The following RBFOX1 variants were observed in gnomAD, a reference collection of about 807,000 sequenced individuals.
RBFOX1 encodes the protein RNA binding protein fox-1 homolog 1.
A neutral mutation model predicts 57.7 loss-of-function variants in RBFOX1; 8 were observed. The observed-to-expected ratio is 0.14, with a 90% CI of 0.08 to 0.25. The LOEUF is 0.25. RBFOX1 is among the 10% of genes least tolerant of loss of function. The pLI is 1.00. For missense variants in RBFOX1, 611 were observed against 548.5 expected (o/e 1.11, Z -1.14); for synonymous variants, 326 against 222.4 (o/e 1.47, Z -4.15).
intron 1 of RBFOX1, among the ~76,000 whole-genome samples, chr16:6,147,963 A>C (rs1320103988): frequency 1.3e-5 from 2 of 152,170 alleles, no homozygotes; most frequent in East Asian, 1.9e-4. Flanking sequence ...CCTTCTCCTA[A>C]ATTGATCTTC....
intron 14 of RBFOX1, among the ~76,000 whole-genome samples, chr16:7,682,613 T>A (rs186893006): frequency 0.1 from 15,766 of 150,902 alleles, 1,081 homozygotes; most frequent in East Asian, 0.31. Flanking sequence ...ATAATTTTTT[T>A]TAAAAAAAAG....
intron 1 of RBFOX1, among the ~76,000 whole-genome samples, chr16:5,304,852 A>T (rs1019489309): frequency 6.6e-6 from 1 of 152,208 alleles, no homozygotes; most frequent in Non-Finnish European, 1.5e-5. Context: ...CCCCAAAACA[A>T]TATAGAGAAA....
chr16:5,932,931 G>A (rs1173756348), intron 4 of RBFOX1, among the ~76,000 whole-genome samples: 1 of 152,094 alleles, frequency 6.6e-6, no homozygotes, highest in Non-Finnish European at 1.5e-5. Context: ...AAAAGGTAAA[G>A]CTCTCAAAAT....
At chr16:7,414,527 G>A (rs9302845) in intron 4 of RBFOX1, among the ~76,000 whole-genome samples, 62,472 of 152,100 alleles carry the variant, frequency 0.41, 18,731 homozygotes, top group African/African-American at 0.83. Flanking sequence ...TGATAGAAAA[G>A]TGTGACTTTC....
chr16:7,709,508 C>G, intron 15 of RBFOX1: 1 of 1,527,224 alleles, frequency 6.5e-7, no homozygotes. Context: ...AAGGTTCCAG[C>G]CCCAGCACAG....
At chr16:6,253,699 G>GTGTGTGTATA (rs71145205) in intron 1 of RBFOX1, among the ~76,000 whole-genome samples, 16,811 of 142,148 alleles carry the variant, frequency 0.12, 1,236 homozygotes, top group East Asian at 0.21. Flanking sequence ...GTGTGTGTGT[G>GTGTGTGTATA]TATATATATA....
At chr16:7,467,633 A>G (rs2060768391) in intron 4 of RBFOX1, among the ~76,000 whole-genome samples, 1 of 152,204 alleles carries the variant, frequency 6.6e-6, no homozygotes, top group Non-Finnish European at 1.5e-5. Context: ...GTATGATAAT[A>G]AGAGTGACCT....
intron 2 of RBFOX1, among the ~76,000 whole-genome samples, chr16:6,593,971 T>G (rs2097751847): frequency 2.0e-5 from 3 of 152,216 alleles, no homozygotes; most frequent in African/African-American, 7.2e-5. Context: ...GGATTAGTCA[T>G]GCACGTGGAA....
intron 1 of RBFOX1, among the ~76,000 whole-genome samples, chr16:6,232,406 C>T (rs1004885374): frequency 6.6e-6 from 1 of 152,130 alleles, no homozygotes; most frequent in Non-Finnish European, 1.5e-5. Flanking sequence ...ATAATGGGAC[C>T]GAATGAGAGT....
intron 2 of RBFOX1, among the ~76,000 whole-genome samples, chr16:6,613,768 C>T (rs1357500013): frequency 6.6e-6 from 1 of 152,144 alleles, no homozygotes; most frequent in Admixed American, 6.5e-5. Flanking sequence ...GAAACCCCAT[C>T]TCTACTACAA....
At chr16:6,805,495 A>AC (rs979718874) in intron 3 of RBFOX1, among the ~76,000 whole-genome samples, 2 of 152,176 alleles carry the variant, frequency 1.3e-5, no homozygotes, top group Non-Finnish European at 2.9e-5. Flanking sequence ...ACATGAGTTT[A>AC]CCTATGTAAT....
At chr16:6,149,355 G>A (rs566181088) in intron 1 of RBFOX1, among the ~76,000 whole-genome samples, 1 of 152,334 alleles carries the variant, frequency 6.6e-6, no homozygotes, top group Admixed American at 6.5e-5. Flanking sequence ...TGCCTCCTAT[G>A]TAACATGAGG....
intron 3 of RBFOX1, among the ~76,000 whole-genome samples, chr16:6,786,113 A>G (rs1021510294): frequency 5.9e-5 from 9 of 152,188 alleles, no homozygotes; most frequent in Admixed American, 5.2e-4. Flanking sequence ...CACTTTGGCA[A>G]AAGTCTGCAT....
intron 2 of RBFOX1, among the ~76,000 whole-genome samples, chr16:6,355,967 C>T (rs758018786): frequency 3.3e-5 from 5 of 152,136 alleles, no homozygotes; most frequent in Non-Finnish European, 5.9e-5. Flanking sequence ...TAAAGAACTC[C>T]TAATGGGCAA....
chr16:5,355,532 G>C (rs958774046), intron 1 of RBFOX1, among the ~76,000 whole-genome samples: 1 of 152,162 alleles, frequency 6.6e-6, no homozygotes, highest in African/African-American at 2.4e-5. Flanking sequence ...ATGGAGACTG[G>C]TCAGCTTCAA....
At chr16:6,672,967 C>G (rs938765676) in intron 3 of RBFOX1, among the ~76,000 whole-genome samples, 4 of 152,092 alleles carry the variant, frequency 2.6e-5, no homozygotes, top group African/African-American at 7.2e-5. Flanking sequence ...GAATTGTACC[C>G]CAGTCCCTGA....
intron 3 of RBFOX1, among the ~76,000 whole-genome samples, chr16:6,997,748 C>G (rs1008428058): frequency 5.3e-5 from 8 of 152,052 alleles, no homozygotes; most frequent in African/African-American, 1.9e-4. Flanking sequence ...TGAATATTAA[C>G]TTTGTTGTTC....
At chr16:7,220,576 G>C (rs113629627) in intron 4 of RBFOX1, among the ~76,000 whole-genome samples, 2 of 152,122 alleles carry the variant, frequency 1.3e-5, no homozygotes, top group South Asian at 4.1e-4. Context: ...TCTTGGAAAC[G>C]ACACTATTTT....
intron 4 of RBFOX1, among the ~76,000 whole-genome samples, chr16:7,409,830 A>G (rs767433952): frequency 6.6e-6 from 1 of 152,140 alleles, no homozygotes; most frequent in Admixed American, 6.5e-5. Context: ...CTTTAGTCCC[A>G]TTGCTTTGAT....
Sources: gnomAD v4.1 joint callset for allele counts (sites outside exome capture counted in the v4.1 genomes callset) on GRCh38, gnomAD v4.1.1 for gene constraint, MANE v1.5 for transcripts, NCBI Gene and HGNC (gene_info 2026-07-23, HGNC 2026-07-21) for gene names.